Variants in CACNA2D3 observed in about 807,000 individuals in gnomAD.
CACNA2D3 encodes voltage-dependent calcium channel subunit alpha-2/delta-3.
CACNA2D3 carries 60 observed loss-of-function variants against 160.6 expected under a neutral mutation model. The observed-to-expected ratio is 0.37, with a 90% CI of 0.30 to 0.46. CACNA2D3 has a LOEUF of 0.46. Among genes scored for constraint, CACNA2D3 ranks in the 20% least tolerant of loss-of-function variants. CACNA2D3 has a pLI of 1.00. For missense variants in CACNA2D3, 1,205 were observed against 1,365.0 expected, an observed-to-expected ratio of 0.88 and a Z score of 1.85; for synonymous variants, 558 against 492.9, an observed-to-expected ratio of 1.13 and a Z score of -1.75.
intron 3 of CACNA2D3, among the ~76,000 whole-genome samples, chr3:54,339,579 C>T (rs1704470241): frequency 6.6e-6 from 1 of 152,154 alleles, no homozygotes; most frequent in African/African-American, 2.4e-5. Flanking sequence ...GTGTTTAGTT[C>T]ACCCAGGATA....
At chr3:54,731,787 G>A (rs892126117) in intron 11 of CACNA2D3, among the ~76,000 whole-genome samples, 1 of 151,958 alleles carries the variant, frequency 6.6e-6, no homozygotes, top group African/African-American at 2.4e-5. Flanking sequence ...TTTAAATGAG[G>A]CATGACTGTT....
chr3:55,046,085 A>C lies in CACNA2D3; in HGVS notation c.2988-27360A>C, dbSNP rs1338150268. 4.8e-5 allele frequency among the ~76,000 whole-genome samples: 7 copies of C among 146,106 alleles called. No individual in the cohort carries two copies. In the East Asian group the frequency reaches 1.4e-3, roughly 29 times the overall value. On this transcript the variant is annotated intron_variant, in intron 35 of 37. Coordinates refer to ENST00000474759, the MANE Select transcript of CACNA2D3 (RefSeq NM_018398.3). The stretch of plus-strand genomic sequence containing the variant: ...TAAAAATTTTGATAGGTTTTATGTT[A>C]CACTTTTTTTTTTAACGTCTTTTTT...
intron 13 of CACNA2D3, among the ~76,000 whole-genome samples, chr3:54,816,250 C>A (rs1422211407): frequency 2.0e-5 from 3 of 152,278 alleles, no homozygotes; most frequent in Non-Finnish European, 4.4e-5. Context: ...GAAAAATTGA[C>A]TTTAAAAACA....
rs149003872 is a variant in CACNA2D3 at position 54,508,952 on chromosome 3, A to G, written c.544+5298A>G. On this transcript the variant is annotated intron_variant, in intron 5 of 37. Coordinates refer to ENST00000474759, the MANE Select transcript of CACNA2D3 (RefSeq NM_018398.3). ...AAGAAAAGGGCAGAAGTCTGATGAGATGGCATTGGGTCCCCTGCTTAGGAG... is the reference window on the plus strand; with the variant it reads ...AAGAAAAGGGCAGAAGTCTGATGAGGTGGCATTGGGTCCCCTGCTTAGGAG... Among the ~76,000 whole-genome samples the G allele has an allele frequency of 2.2e-4, 34 of 152,352 alleles. 1 individual carries two copies. Among genetic ancestry groups the G allele is most frequent in the African/African-American group, 7.7e-4 (32 of 41,586 alleles).
At chr3:54,169,746 CAT>C (rs1010083553) in intron 2 of CACNA2D3, among the ~76,000 whole-genome samples, 34 of 151,224 alleles carry the variant, frequency 2.2e-4, no homozygotes, top group African/African-American at 7.3e-4. Flanking sequence ...TGCGAGTGTG[CAT>C]GTGTGTGTGT....
intron 4 of CACNA2D3, among the ~76,000 whole-genome samples, chr3:54,468,325 A>C (rs1700665349): frequency 6.6e-6 from 1 of 152,138 alleles, no homozygotes; most frequent in Non-Finnish European, 1.5e-5. Flanking sequence ...GGGAAGTGCA[A>C]GGGGTTGGGG....
intron 2 of CACNA2D3, among the ~76,000 whole-genome samples, chr3:54,144,491 T>C (rs1699990747): frequency 6.6e-6 from 1 of 152,236 alleles, no homozygotes; most frequent in African/African-American, 2.4e-5. Flanking sequence ...TATGTGAAAT[T>C]CTCCTCTTTG....
At chr3:54,162,686 C>T (rs1285113204) in intron 2 of CACNA2D3, among the ~76,000 whole-genome samples, 1 of 152,002 alleles carries the variant, frequency 6.6e-6, no homozygotes, top group African/African-American at 2.4e-5. Context: ...CTCAAAGCAC[C>T]CATATTCTGC....
intron 35 of CACNA2D3, among the ~76,000 whole-genome samples, chr3:55,021,629 A>ATATATATATATATATGTG (rs1703451263): frequency 7.7e-6 from 1 of 129,076 alleles, no homozygotes; most frequent in Admixed American, 8.1e-5. Flanking sequence ...GTGTGTGTAT[A>ATATATATATATATATGTG]TATATATATA....
chr3:54,751,783 C>T (rs972148443), intron 11 of CACNA2D3, among the ~76,000 whole-genome samples: 5 of 152,194 alleles, frequency 3.3e-5, no homozygotes, highest in African/African-American at 1.2e-4. Flanking sequence ...AAGAGGTGGC[C>T]ACAGGCTGCA....
chr3:54,911,329 C>T, intron 27 of CACNA2D3, among the ~76,000 whole-genome samples: 1 of 139,890 alleles, frequency 7.1e-6, no homozygotes. Flanking sequence ...CGCTTCTCCT[C>T]CTCCCCCTCC....
chr3:54,210,436 G>A (rs564117363), intron 2 of CACNA2D3, among the ~76,000 whole-genome samples: 43 of 151,922 alleles, frequency 2.8e-4, no homozygotes, highest in Non-Finnish European at 4.1e-4. Flanking sequence ...GTGTGTGTGT[G>A]TGTGTTTGTG....
intron 14 of CACNA2D3, among the ~76,000 whole-genome samples, chr3:54,826,019 C>A (rs189954257): frequency 6.6e-6 from 1 of 152,154 alleles, no homozygotes; most frequent in Admixed American, 6.5e-5. Flanking sequence ...CAATACAAAT[C>A]GAATTTTCTG....
At chr3:54,461,787 T>C (rs1430826964) in intron 4 of CACNA2D3, among the ~76,000 whole-genome samples, 2 of 152,094 alleles carry the variant, frequency 1.3e-5, no homozygotes, top group African/African-American at 4.8e-5. Flanking sequence ...TCAGTTCTGC[T>C]CTGATTTTAG....
At chr3:54,612,120 G>T (rs1470095497) in intron 9 of CACNA2D3, among the ~76,000 whole-genome samples, 1 of 152,174 alleles carries the variant, frequency 6.6e-6, no homozygotes, top group East Asian at 1.9e-4. Context: ...CTTGGGAAGA[G>T]GAAGAGGAAG....
chr3:54,672,006 A>G (rs1168590283), intron 11 of CACNA2D3, among the ~76,000 whole-genome samples: 1 of 152,154 alleles, frequency 6.6e-6, no homozygotes, highest in African/African-American at 2.4e-5. Flanking sequence ...GGGATTCTCC[A>G]GGTGTACTCT....
intron 4 of CACNA2D3, among the ~76,000 whole-genome samples, chr3:54,441,498 C>T (rs370925353): frequency 2.0e-4 from 31 of 152,164 alleles, no homozygotes; most frequent in Middle Eastern, 3.4e-3. Context: ...TAATTATATC[C>T]CATTTGTCAA....
intron 9 of CACNA2D3, among the ~76,000 whole-genome samples, chr3:54,624,628 GAAA>G (rs951125745): frequency 6.6e-6 from 1 of 151,296 alleles, no homozygotes; most frequent in African/African-American, 2.4e-5. Context: ...TCCGTCTCAA[GAAA>G]AAAAAGAAAA....
intron 9 of CACNA2D3, among the ~76,000 whole-genome samples, chr3:54,600,475 C>T (rs1703040593): frequency 6.6e-6 from 1 of 152,148 alleles, no homozygotes; most frequent in African/African-American, 2.4e-5. Flanking sequence ...GGATTGACTT[C>T]ATTGAACAGC....
Sources: gnomAD v4.1 joint callset for allele counts (sites outside exome capture counted in the v4.1 genomes callset) on GRCh38, gnomAD v4.1.1 for gene constraint, MANE v1.5 for transcripts, NCBI Gene and HGNC (gene_info 2026-07-23, HGNC 2026-07-21) for gene names.